Variants in POU6F2 observed in about 807,000 individuals in gnomAD.
The protein encoded by POU6F2 is POU domain, class 6, transcription factor 2.
Under a neutral mutation model 71.3 loss-of-function variants are expected in POU6F2, and 31 were observed. The ratio of observed to expected loss-of-function variants is 0.43; its 90% CI spans 0.33 to 0.59. The LOEUF (loss-of-function observed/expected upper bound fraction) is 0.59. Ranked by LOEUF, POU6F2 falls within the 20% of genes least tolerant of loss-of-function variation. The pLI is 0.04. For missense variants in POU6F2, 783 were observed against 856.8 expected, an observed-to-expected ratio of 0.91 and a Z score of 1.07; for synonymous variants, 347 against 355.7, an observed-to-expected ratio of 0.98 and a Z score of 0.27.
At chr7:39,298,060 C>T (rs1042644345) in intron 4 of POU6F2, among the ~76,000 whole-genome samples, 2 of 152,012 alleles carry the variant, frequency 1.3e-5, no homozygotes, top group African/African-American at 4.8e-5. Context: ...CCATAAAAAC[C>T]CTAGAAGAAA....
intron 2 of POU6F2, among the ~76,000 whole-genome samples, chr7:39,167,807 A>G (rs1318128929): frequency 6.6e-6 from 1 of 151,824 alleles, no homozygotes; most frequent in South Asian, 2.1e-4. Context: ...TATATTTTAT[A>G]CCAATTCTTC....
chr7:39,287,026 T>G (rs1451202478), intron 4 of POU6F2, among the ~76,000 whole-genome samples: 1 of 152,016 alleles, frequency 6.6e-6, no homozygotes, highest in Non-Finnish European at 1.5e-5. Context: ...CAAGCGAGTC[T>G]GCTTCCCCAG....
chr7:39,439,785 A>G (rs34731084), intron 7 of POU6F2, among the ~76,000 whole-genome samples: 51,190 of 152,004 alleles, frequency 0.34, 9,634 homozygotes, highest in East Asian at 0.58. Context: ...CACCACACCC[A>G]GGCTTTTTGG....
intron 1 of POU6F2, among the ~76,000 whole-genome samples, chr7:39,031,302 T>A (rs933605747): frequency 6.6e-6 from 1 of 152,198 alleles, no homozygotes; most frequent in East Asian, 1.9e-4. Flanking sequence ...ACTGTTATAT[T>A]GATTTTAGGA....
At chr7:39,285,558 G>A (rs1784636475) in intron 4 of POU6F2, among the ~76,000 whole-genome samples, 2 of 152,150 alleles carry the variant, frequency 1.3e-5, no homozygotes, top group South Asian at 4.1e-4. Flanking sequence ...ATTGCTACAT[G>A]TTTCTAAAAC....
chr7:39,111,342 T>C (rs996426502), intron 2 of POU6F2, among the ~76,000 whole-genome samples: 1 of 152,178 alleles, frequency 6.6e-6, no homozygotes, highest in Non-Finnish European at 1.5e-5. Context: ...TTTTTTTTCT[T>C]GAGAGAAATT....
At chr7:39,425,901 C>T (rs1302466821) in intron 6 of POU6F2, among the ~76,000 whole-genome samples, 1 of 152,202 alleles carries the variant, frequency 6.6e-6, no homozygotes, top group Non-Finnish European at 1.5e-5. Context: ...TGCCCTGGAA[C>T]GAAAGCTCAG....
chr7:39,103,887 C>T (rs1791624165), intron 2 of POU6F2, among the ~76,000 whole-genome samples: 1 of 152,150 alleles, frequency 6.6e-6, no homozygotes, highest in Non-Finnish European at 1.5e-5. Context: ...GGGCAAACAT[C>T]ATGGACAAAT....
intron 4 of POU6F2, among the ~76,000 whole-genome samples, chr7:39,250,875 A>T (rs1313111007): frequency 6.6e-6 from 1 of 152,244 alleles, no homozygotes; most frequent in African/African-American, 2.4e-5. Context: ...TCAGTAAAAA[A>T]TCACGGTGCC....
At chr7:39,051,585 G>A (rs1344888988) in intron 1 of POU6F2, among the ~76,000 whole-genome samples, 1 of 152,096 alleles carries the variant, frequency 6.6e-6, no homozygotes, top group Non-Finnish European at 1.5e-5. Flanking sequence ...CTAGGTGTAG[G>A]AATTGAACAA....
intron 1 of POU6F2, among the ~76,000 whole-genome samples, chr7:39,005,751 A>C (rs1201468200): frequency 6.6e-6 from 1 of 152,026 alleles, no homozygotes; most frequent in Non-Finnish European, 1.5e-5. Context: ...TTTGGCACTG[A>C]CTTTCCTAGA....
chr7:39,106,662 A>G (rs1429980303), intron 2 of POU6F2, among the ~76,000 whole-genome samples: 2 of 152,216 alleles, frequency 1.3e-5, no homozygotes, highest in Non-Finnish European at 2.9e-5. Context: ...TGTAGATAAA[A>G]CTATTTTTTC....
intron 1 of POU6F2, among the ~76,000 whole-genome samples, chr7:39,001,838 A>G (rs894726763): frequency 4.6e-5 from 7 of 151,812 alleles, no homozygotes; most frequent in African/African-American, 1.7e-4. Flanking sequence ...TGGTGATGTG[A>G]TGATAGTCAT....
At chr7:39,339,084 A>T (rs77601744) in intron 4 of POU6F2, among the ~76,000 whole-genome samples, 1,515 of 136,574 alleles carry the variant, frequency 0.011, 12 homozygotes, top group African/African-American at 0.029. Flanking sequence ...TGAATTTTTA[A>T]AAAAAAAAAA....
intron 8 of POU6F2, among the ~76,000 whole-genome samples, chr7:39,455,981 A>C (rs116138199): frequency 0.01 from 1,564 of 152,322 alleles, 21 homozygotes; most frequent in African/African-American, 0.036. Context: ...TCCCCAGGCC[A>C]GTTAATTCCT....
In POU6F2 at chr7:39,030,536, A is replaced by ATATATATATG. The variant is rs1357827421; in HGVS notation, c.105+52486_105+52487insTGTATATATA. ...TATATATATATATATATATATATAT[A>ATATATATATG]TATATATACACACACATACATATAT... On this transcript the variant is annotated intron_variant, in intron 1 of 9. Transcript: ENST00000518318. Among the ~76,000 whole-genome samples the ATATATATATG allele has an allele frequency of 3.1e-5, 4 of 131,044 alleles. 1 individual carries two copies. The highest frequency in any genetic ancestry group is 4.9e-5 in the Non-Finnish European group (3 of 61,564). 86.0% of individuals were successfully genotyped at this position (131,044 alleles called of 152,430 possible).
chr7:39,145,689 T>C (rs1438894902), intron 2 of POU6F2, among the ~76,000 whole-genome samples: 2 of 152,136 alleles, frequency 1.3e-5, no homozygotes. Flanking sequence ...ACAGCTCCAG[T>C]GGAAAGGTTG....
intron 5 of POU6F2, among the ~76,000 whole-genome samples, chr7:39,350,579 C>A (rs1583543699): frequency 6.6e-6 from 1 of 152,214 alleles, no homozygotes; most frequent in African/African-American, 2.4e-5. Context: ...TTGGGACCAA[C>A]CTGAGGCAGA....
intron 8 of POU6F2, among the ~76,000 whole-genome samples, chr7:39,455,282 T>C (rs1039082637): frequency 6.6e-6 from 1 of 152,120 alleles, no homozygotes. Context: ...AGACAGCAAA[T>C]GACTTATAGT....
Sources: allele counts gnomAD v4.1 joint callset (sites outside exome capture counted in the v4.1 genomes callset), GRCh38; gene constraint gnomAD v4.1.1; transcripts MANE v1.5; gene names NCBI Gene and HGNC (gene_info 2026-07-23, HGNC 2026-07-21).